Variants in RAP1B observed in about 807,000 individuals in gnomAD.
RAP1B encodes RAP1B, member of RAS oncogene family.
In RAP1B, 1 loss-of-function variant was observed where a neutral mutation model predicts 27.5. That is an observed-to-expected ratio of 0.04 (90% CI 0.01 to 0.17). The LOEUF (loss-of-function observed/expected upper bound fraction) is 0.17. RAP1B is among the 10% of genes least tolerant of loss of function. The pLI, the probability that RAP1B is intolerant of heterozygous loss-of-function variation, is 1.00. For missense variants in RAP1B, 84 were observed against 214.8 expected, an observed-to-expected ratio of 0.39 and a Z score of 3.81; for synonymous variants, 75 against 73.1, an observed-to-expected ratio of 1.03 and a Z score of -0.13.
chr12:68,630,804 C>T (rs565998391), intron 1 of RAP1B, among the ~76,000 whole-genome samples: 2 of 152,156 alleles, frequency 1.3e-5, no homozygotes, highest in African/African-American at 4.8e-5. Flanking sequence ...TCCCATCCTC[C>T]CGGGTAGGTG....
At chr12:68,616,216 C>T (rs1870993250) in intron 1 of RAP1B, among the ~76,000 whole-genome samples, 1 of 152,040 alleles carries the variant, frequency 6.6e-6, no homozygotes, top group Non-Finnish European at 1.5e-5. Context: ...CCTGCCTCGG[C>T]CTCCCAAAGT....
intron 1 of RAP1B, among the ~76,000 whole-genome samples, chr12:68,630,838 G>A (rs1418603371): frequency 1.3e-5 from 2 of 151,922 alleles, no homozygotes; most frequent in Non-Finnish European, 2.9e-5. Context: ...AGGCCACCAC[G>A]CCTGGCTAAT....
intron 1 of RAP1B, among the ~76,000 whole-genome samples, chr12:68,646,434 T>C (rs1873414843): frequency 6.6e-6 from 1 of 152,160 alleles, no homozygotes; most frequent in Non-Finnish European, 1.5e-5. Flanking sequence ...TAGCTGGGAT[T>C]ACATGTGCCC....
chr12:68,642,031 C>T (rs373692331), intron 1 of RAP1B, among the ~76,000 whole-genome samples: 11 of 152,098 alleles, frequency 7.2e-5, no homozygotes, highest in Non-Finnish European at 1.6e-4. Flanking sequence ...AAGTTCATTT[C>T]GCATATATGC....
intron 1 of RAP1B, among the ~76,000 whole-genome samples, chr12:68,646,631 T>C (rs569338940): frequency 4.9e-4 from 75 of 152,258 alleles, no homozygotes; most frequent in African/African-American, 1.7e-3. Flanking sequence ...CCCCAAAAGG[T>C]TTCCTGTGAC....
chr12:68,631,472 A>G (rs984193105), intron 1 of RAP1B, among the ~76,000 whole-genome samples: 4 of 152,108 alleles, frequency 2.6e-5, no homozygotes, highest in African/African-American at 4.8e-5. Flanking sequence ...CAAAATGTCT[A>G]TTGTTGTTGC....
chr12:68,624,956 T>C (rs964109873), intron 1 of RAP1B: 3 of 152,270 alleles, frequency 2.0e-5, no homozygotes, highest in African/African-American at 7.2e-5. Context: ...CTTCAGATGC[T>C]CTGGTTATTC....
rs1874594014 is a variant in RAP1B, at chr12:68,661,527, G to T, written c.*2278G>T. The T allele has an allele frequency of 1.3e-5, 2 of 151,964 alleles. No homozygotes were observed. The highest frequency in any genetic ancestry group is 4.8e-5 in the African/African-American group (2 of 41,360). The allele number at this position is 151,964 out of a possible 1,614,324, so 9.4% of individuals were successfully genotyped here. On this transcript the variant is annotated 3_prime_UTR_variant, in exon 8 of 8. Transcript: ENST00000250559. ...GCCCTCCTAGAATTTATATTCTATTGAAGAGTTTCTCAGCCTCAGCACTAT... is the reference window on the plus strand; with the variant it reads ...GCCCTCCTAGAATTTATATTCTATTTAAGAGTTTCTCAGCCTCAGCACTAT...
intron 4 of RAP1B, 64 bp downstream of exon 4, chr12:68,652,115 G>A (rs1873852833): frequency 1.4e-5 from 17 of 1,220,524 alleles, no homozygotes; most frequent in Non-Finnish European, 2.0e-5. Context: ...ATAAATGCTA[G>A]TACTCTATAG....
chr12:68,665,002 A>AAAAT lies in RAP1B; in HGVS notation c.*5756_*5759dup, dbSNP rs1333907092. ...TGAAAAACTATGTGGCTGGCAGAAA[A>AAAAT]AAATAAGTGCGTGTGGTGGTGCTTG... On this transcript the variant is annotated 3_prime_UTR_variant, in exon 8 of 8. Coordinates refer to ENST00000250559, the MANE Select transcript of RAP1B (RefSeq NM_001010942.3). The AAAAT allele has an allele frequency of 6.6e-6, 1 of 152,188 alleles. No individual in the cohort carries two copies. Among genetic ancestry groups the AAAAT allele is most frequent in the Non-Finnish European group, 1.5e-5 (1 of 68,024 alleles). The allele number at this position is 152,188 out of a possible 1,614,324, so 9.4% of individuals were successfully genotyped here.
At chr12:68,619,485 A>G (rs1871247440) in intron 1 of RAP1B, among the ~76,000 whole-genome samples, 1 of 152,240 alleles carries the variant, frequency 6.6e-6, no homozygotes, top group South Asian at 2.1e-4. Context: ...ACAAAGTGTC[A>G]GCTAGACCAA....
intron 1 of RAP1B, among the ~76,000 whole-genome samples, chr12:68,618,244 G>A (rs567924067): frequency 1.1e-4 from 17 of 151,714 alleles, no homozygotes; most frequent in South Asian, 2.1e-4. Flanking sequence ...GCGCCACCAC[G>A]CCTGGCTAAT....
chr12:68,667,394 C>T lies in RAP1B; in HGVS notation c.*8145C>T, dbSNP rs1874901128. The T allele has an allele frequency of 6.6e-6, 1 of 151,932 alleles. No homozygotes were observed. The highest frequency in any genetic ancestry group is 2.4e-5 in the African/African-American group (1 of 41,348). 9.4% of individuals were successfully genotyped at this position (151,932 alleles called of 1,614,324 possible). On this transcript the variant is annotated 3_prime_UTR_variant, in exon 8 of 8. Coordinates refer to ENST00000250559, the MANE Select transcript of RAP1B (RefSeq NM_001010942.3). ...AAAAGAAATGGAAGGAATGGACAGG[C>T]CCAGAATTAAATGATAAAAACTCAT...
At position 68,666,857 on chromosome 12, in the gene RAP1B, A is replaced by G. The variant is rs1874876201; in HGVS notation, c.*7608A>G. On this transcript the variant is annotated 3_prime_UTR_variant, in exon 8 of 8. Coordinates refer to ENST00000250559, the MANE Select transcript of RAP1B (RefSeq NM_001010942.3). Reference sequence around the variant, plus strand: ...AGGTCTCCCTAGAGAGATCCTGAGCACCTAGGAAAGCCCCAGAATTAAGCT... The same window carrying G: ...AGGTCTCCCTAGAGAGATCCTGAGCGCCTAGGAAAGCCCCAGAATTAAGCT... 1 of 152,126 alleles carries G rather than the reference A, an allele frequency of 6.6e-6. No individual in the cohort carries two copies. Among genetic ancestry groups the G allele is most frequent in the African/African-American group, 2.4e-5 (1 of 41,428 alleles). 9.4% of individuals were successfully genotyped at this position (152,126 alleles called of 1,614,324 possible).
chr12:68,659,284 G>C lies in RAP1B; in HGVS notation c.*35G>C, dbSNP rs2135974438. 2.2e-6 allele frequency: 1 copy of C among 457,162 alleles called. No homozygotes were observed. Among genetic ancestry groups the C allele is most frequent in the South Asian group, 1.6e-5 (1 of 64,476 alleles). The allele number at this position is 457,162 out of a possible 1,614,324, so 28.3% of individuals were successfully genotyped here. ...TAATTTTTTTCCTTTTGACAGGTCT[G>C]AAGAACTGTTGCCCAATTCAACAGT... On this transcript the variant is annotated 3_prime_UTR_variant, in exon 8 of 8. Coordinates refer to ENST00000250559, the MANE Select transcript of RAP1B (RefSeq NM_001010942.3).
intron 1 of RAP1B, among the ~76,000 whole-genome samples, chr12:68,614,621 AGGACTCCAT>A (rs1870847398): frequency 6.6e-6 from 1 of 152,098 alleles, no homozygotes; most frequent in African/African-American, 2.4e-5. Context: ...GTCATTATTG[AGGACTCCAT>A]GGTCTAAGAG....
chr12:68,632,127 TTG>T (rs1872287199), intron 1 of RAP1B, among the ~76,000 whole-genome samples: 1 of 133,380 alleles, frequency 7.5e-6, no homozygotes, highest in East Asian at 2.1e-4. Context: ...GGTTTTGGAT[TTG>T]TTTTTTTTTT....
intron 1 of RAP1B, among the ~76,000 whole-genome samples, chr12:68,619,611 A>C (rs1253286802): frequency 6.6e-6 from 1 of 152,224 alleles, no homozygotes; most frequent in East Asian, 1.9e-4. Context: ...GATTTATCTG[A>C]AAATGCTATT....
intron 1 of RAP1B, among the ~76,000 whole-genome samples, chr12:68,632,730 G>A (rs1224960496): frequency 6.6e-6 from 1 of 152,114 alleles, no homozygotes; most frequent in Non-Finnish European, 1.5e-5. Context: ...GGTGTCTATT[G>A]CTAGAGAAAT....
Sources: gnomAD v4.1 joint callset for allele counts (sites outside exome capture counted in the v4.1 genomes callset) on GRCh38, gnomAD v4.1.1 for gene constraint, MANE v1.5 for transcripts, NCBI Gene and HGNC (gene_info 2026-07-23, HGNC 2026-07-21) for gene names.